The following BCAS1 variants were observed in gnomAD, a reference collection of about 807,000 sequenced individuals.
BCAS1 encodes breast carcinoma-amplified sequence 1.
A neutral mutation model predicts 65.4 loss-of-function variants in BCAS1; 46 were observed. That is an observed-to-expected ratio of 0.70 (90% CI 0.55 to 0.90). BCAS1 has a LOEUF of 0.90. Among genes scored for constraint, BCAS1 ranks in the 40% least tolerant of loss-of-function variants. BCAS1 has a pLI of 0.00. For synonymous variants in BCAS1, 298 were observed against 293.5 expected, an observed-to-expected ratio of 1.02 and a Z score of -0.16; for missense variants, 793 against 771.2, an observed-to-expected ratio of 1.03 and a Z score of -0.33.
intron 4 of BCAS1, among the ~76,000 whole-genome samples, chr20:54,000,660 A>C (rs1600831498): frequency 1.3e-5 from 2 of 152,154 alleles, no homozygotes; most frequent in East Asian, 3.9e-4. Context: ...CTTCTTTTTG[A>C]AAAAGCCCTC....
chr20:53,963,585 A>C (rs1289901969), intron 10 of BCAS1, among the ~76,000 whole-genome samples: 1 of 152,198 alleles, frequency 6.6e-6, no homozygotes, highest in African/African-American at 2.4e-5. Flanking sequence ...TCTCTCTTCC[A>C]TTAAATCAAT....
At chr20:54,040,716 C>A (rs569081262) in intron 3 of BCAS1, among the ~76,000 whole-genome samples, 1 of 151,226 alleles carries the variant, frequency 6.6e-6, no homozygotes, top group Non-Finnish European at 1.5e-5. Context: ...GTGAAAAAAT[C>A]GGAATGCTCA....
rs1221763170 is a variant in BCAS1 at position 53,985,282 on chromosome 20, C to A, written c.1275+5G>T. 3.1e-6 allele frequency: 5 copies of A among 1,612,692 alleles called. No individual in the cohort carries two copies. In the Admixed American group the frequency reaches 8.3e-5, roughly 27 times the overall value. Reference sequence around the variant, plus strand: ...GACTCTCTAACGCTTGAAAATCAGACTTACCTTTTTCCAAAACAGTTTGCC... The same window carrying A: ...GACTCTCTAACGCTTGAAAATCAGAATTACCTTTTTCCAAAACAGTTTGCC... On this transcript the variant is annotated splice_donor_5th_base_variant and intron_variant, in intron 8 of 12. Coordinates refer to ENST00000688948, the MANE Select transcript of BCAS1 (RefSeq NM_001366298.2).
At chr20:54,060,398 C>T (rs982978601) in intron 1 of BCAS1, among the ~76,000 whole-genome samples, 3 of 152,140 alleles carry the variant, frequency 2.0e-5, no homozygotes, top group South Asian at 4.1e-4. Flanking sequence ...CTGCAACCTC[C>T]GCCTTCTGGG....
chr20:53,972,161 A>C (rs1600743008), intron 9 of BCAS1, among the ~76,000 whole-genome samples: 1 of 152,372 alleles, frequency 6.6e-6, no homozygotes, highest in Non-Finnish European at 1.5e-5. Context: ...CATTTTAGCC[A>C]GAAGTCGTTA....
intron 9 of BCAS1, among the ~76,000 whole-genome samples, chr20:53,971,610 G>A (rs1388506522): frequency 6.6e-6 from 1 of 152,208 alleles, no homozygotes; most frequent in African/African-American, 2.4e-5. Flanking sequence ...ATGTTGGAAA[G>A]CTGAGCATGT....
chr20:53,969,572 G>A (rs530898749), intron 9 of BCAS1, among the ~76,000 whole-genome samples: 9 of 152,130 alleles, frequency 5.9e-5, no homozygotes, highest in South Asian at 2.1e-4. Flanking sequence ...CATTTTCTGC[G>A]GCAACTCAAT....
chr20:53,950,055 A>C (rs528202302), intron 12 of BCAS1, among the ~76,000 whole-genome samples: 11 of 152,296 alleles, frequency 7.2e-5, no homozygotes, highest in African/African-American at 2.6e-4. Context: ...AAAATCTTCG[A>C]ATGTTATCAA....
intron 8 of BCAS1, among the ~76,000 whole-genome samples, chr20:53,980,550 G>C (rs180755290): frequency 6.6e-6 from 1 of 152,326 alleles, no homozygotes; most frequent in Admixed American, 6.5e-5. Context: ...TGTATTCCAA[G>C]CTAGTATTCA....
intron 7 of BCAS1, among the ~76,000 whole-genome samples, chr20:53,991,262 C>A (rs2090752699): frequency 6.6e-6 from 1 of 152,168 alleles, no homozygotes; most frequent in Non-Finnish European, 1.5e-5. Context: ...GATGTTGGAG[C>A]ACATTTTAAT....
intron 3 of BCAS1, among the ~76,000 whole-genome samples, chr20:54,039,358 A>G (rs2276489): frequency 0.19 from 28,703 of 151,214 alleles, 3,473 homozygotes; most frequent in East Asian, 0.31. Flanking sequence ...TTGGAACATC[A>G]TGGTAGAATT....
intron 3 of BCAS1, 126 bp downstream of exon 3, chr20:54,057,958 GC>G (rs2092320333): frequency 1.4e-6 from 1 of 728,766 alleles, no homozygotes; most frequent in Admixed American, 2.5e-5. Flanking sequence ...AGGAACAAAC[GC>G]AAGTATTTTC....
At position 54,028,754 on chromosome 20, in the gene BCAS1, G is replaced by A; in HGVS notation, c.361C>T (p.Leu121Phe). ...AADSSLGSVK[L>F]DVSSNKAPAN... ...GGAGCTTTATTGGAGCTGACATCAA[G>A]CTTCACTGATCCAAGGGATGAATCT... The change falls in exon 4 of 13, where the codon CTT (leucine) becomes TTT (phenylalanine). Residue 121 changes from leucine (L) to phenylalanine (F), a missense_variant. Coordinates refer to ENST00000688948, the MANE Select transcript of BCAS1 (RefSeq NM_001366298.2). The A allele has an allele frequency of 6.2e-7, 1 of 1,614,210 alleles. No homozygotes were observed. Among genetic ancestry groups the A allele is most frequent in the South Asian group, 1.1e-5 (1 of 91,082 alleles).
At chr20:53,957,392 C>G (rs2089732054) in intron 11 of BCAS1, 40 bp downstream of exon 11, 1 of 1,544,616 alleles carries the variant, frequency 6.5e-7, no homozygotes, top group Admixed American at 1.7e-5. Flanking sequence ...TGAGAATACA[C>G]CACTAATCCC....
chr20:54,008,266 G>A (rs570831760), intron 4 of BCAS1, among the ~76,000 whole-genome samples: 1 of 152,270 alleles, frequency 6.6e-6, no homozygotes, highest in East Asian at 1.9e-4. Flanking sequence ...TAGGGAGCTG[G>A]GATTCTCATC....
rs867655620 is a variant in BCAS1, at chr20:54,008,964, C to A, written c.724-12914G>T. 3.3e-5 allele frequency among the ~76,000 whole-genome samples: 5 copies of A among 152,246 alleles called. No homozygotes were observed. The South Asian group carries it at 1.0e-3, about 32-fold the overall frequency. On this transcript the variant is annotated intron_variant, in intron 4 of 12. Transcript: ENST00000688948. ...GAGCAACTGGTATTACAGGTGTGCACCACCACGCCCAGCTAATTTTTGCAT... is the reference window on the plus strand; with the variant it reads ...GAGCAACTGGTATTACAGGTGTGCAACACCACGCCCAGCTAATTTTTGCAT...
intron 4 of BCAS1, among the ~76,000 whole-genome samples, chr20:54,008,503 T>C (rs2091250618): frequency 6.6e-6 from 1 of 152,034 alleles, no homozygotes; most frequent in African/African-American, 2.4e-5. Flanking sequence ...CACCCAGTAG[T>C]AATAAGGAGT....
At chr20:53,989,383 T>A (rs2090697474) in intron 7 of BCAS1, among the ~76,000 whole-genome samples, 1 of 152,204 alleles carries the variant, frequency 6.6e-6, no homozygotes, top group South Asian at 2.1e-4. Flanking sequence ...TTGTTGAATA[T>A]GTATCTCTTT....
intron 3 of BCAS1, among the ~76,000 whole-genome samples, chr20:54,034,966 C>T (rs2091870846): frequency 6.6e-6 from 1 of 151,038 alleles, no homozygotes; most frequent in Admixed American, 6.6e-5. Flanking sequence ...AATAGAGAAC[C>T]CGGAAATAAG....
Sources: gnomAD v4.1 joint callset for allele counts (sites outside exome capture counted in the v4.1 genomes callset) on GRCh38, gnomAD v4.1.1 for gene constraint, MANE v1.5 for transcripts, NCBI Gene and HGNC (gene_info 2026-07-23, HGNC 2026-07-21) for gene names.